Variants in ITSN2 observed in about 807,000 individuals in gnomAD.
ITSN2 encodes intersectin-2.
Under a neutral mutation model 243.7 loss-of-function variants are expected in ITSN2, and 156 were observed. The ratio of observed to expected loss-of-function variants is 0.64; its 90% CI spans 0.56 to 0.73. The LOEUF (loss-of-function observed/expected upper bound fraction) is 0.73, where lower values mean the gene tolerates loss of function less well. ITSN2 is among the 30% of genes least tolerant of loss of function. The pLI is 0.00. For missense variants in ITSN2, 1,801 were observed against 1,996.1 expected, an observed-to-expected ratio of 0.90 and a Z score of 1.86; for synonymous variants, 703 against 699.9, an observed-to-expected ratio of 1.00 and a Z score of -0.07.
chr2:24,330,525 G>A, intron 1 of ITSN2: 1 of 730,528 alleles, frequency 1.4e-6, no homozygotes, highest in Non-Finnish European at 2.5e-6. Context: ...GCCCAAGCCT[G>A]AAAAGGCCCC....
intron 2 of ITSN2, among the ~76,000 whole-genome samples, chr2:24,317,205 A>C (rs1684038856): frequency 6.6e-6 from 1 of 152,092 alleles, no homozygotes; most frequent in Non-Finnish European, 1.5e-5. Context: ...ACATGGCGAA[A>C]CCTCATCTCT....
At chr2:24,339,647 T>G (rs993891717) in intron 1 of ITSN2, among the ~76,000 whole-genome samples, 1 of 152,110 alleles carries the variant, frequency 6.6e-6, no homozygotes, top group Non-Finnish European at 1.5e-5. Flanking sequence ...TTTTATATAT[T>G]GAAGCTTCTC....
At chr2:24,347,294 A>T (rs537789085) in intron 1 of ITSN2, among the ~76,000 whole-genome samples, 1 of 152,364 alleles carries the variant, frequency 6.6e-6, no homozygotes, top group Non-Finnish European at 1.5e-5. Flanking sequence ...AAAAAATTAA[A>T]GTTACATTCA....
chr2:24,276,016 T>C (rs911835376), intron 17 of ITSN2, among the ~76,000 whole-genome samples, 167 bp from the exon 18 acceptor site: 4 of 152,196 alleles, frequency 2.6e-5, no homozygotes, highest in African/African-American at 9.6e-5. Context: ...AAACCTTAAG[T>C]ATTTAAACCA....
At chr2:24,299,809 C>T in intron 12 of ITSN2, 100 bp downstream of exon 12, 1 of 1,036,410 alleles carries the variant, frequency 9.6e-7, no homozygotes. Context: ...GAGCAAAAGG[C>T]AAAACAAAAA....
intron 29 of ITSN2, chr2:24,221,517 A>G (rs1340286434): frequency 1.3e-5 from 2 of 154,730 alleles, no homozygotes; most frequent in African/African-American, 4.8e-5. Flanking sequence ...TACCATGCAT[A>G]TGGCTTTGGT....
At chr2:24,229,806 C>T (rs1051305182) in intron 29 of ITSN2, among the ~76,000 whole-genome samples, 18 of 152,284 alleles carry the variant, frequency 1.2e-4, no homozygotes, top group African/African-American at 4.1e-4. Flanking sequence ...GCTGATGACT[C>T]GATCCTCATG....
chr2:24,242,042 T>C lies in ITSN2; in HGVS notation c.3577+4087A>G, dbSNP rs528447203. ...TTACAAATAAATTTAAACTGTAAGTTAGAAACACAAAAAAATAATCACAAG... is the reference window on the plus strand; with the variant it reads ...TTACAAATAAATTTAAACTGTAAGTCAGAAACACAAAAAAATAATCACAAG... On this transcript the variant is annotated intron_variant, in intron 29 of 39. Coordinates refer to ENST00000355123, the MANE Select transcript of ITSN2 (RefSeq NM_006277.3). The C allele has an allele frequency of 2.0e-5, 3 of 152,724 alleles. No homozygotes were observed. The East Asian group carries it at 5.8e-4, about 29-fold the overall frequency. The allele number at this position is 152,724 out of a possible 1,614,324, so 9.5% of individuals were successfully genotyped here.
chr2:24,342,352 C>G (rs1255633746), intron 1 of ITSN2, among the ~76,000 whole-genome samples: 2 of 151,750 alleles, frequency 1.3e-5, no homozygotes, highest in Non-Finnish European at 2.9e-5. Context: ...AGCACGCTGC[C>G]AAGCCCGGCT....
chr2:24,294,086 T>G (rs370387376), intron 14 of ITSN2, among the ~76,000 whole-genome samples: 1 of 152,320 alleles, frequency 6.6e-6, no homozygotes, highest in East Asian at 1.9e-4. Flanking sequence ...CTAGATGGTA[T>G]GTGTAAGCAT....
intron 2 of ITSN2, among the ~76,000 whole-genome samples, chr2:24,326,188 A>G (rs1051724537): frequency 1.3e-5 from 2 of 152,202 alleles, no homozygotes; most frequent in African/African-American, 4.8e-5. Flanking sequence ...ATTCTTCAGA[A>G]GTTTAAAAAA....
At chr2:24,358,836 G>C (rs1394832126) in intron 1 of ITSN2, among the ~76,000 whole-genome samples, 1 of 152,120 alleles carries the variant, frequency 6.6e-6, no homozygotes, top group Admixed American at 6.6e-5. Flanking sequence ...GAGATGTACC[G>C]AACAATGGTA....
chr2:24,257,173 A>G (rs1675153233), intron 23 of ITSN2, among the ~76,000 whole-genome samples: 1 of 152,022 alleles, frequency 6.6e-6, no homozygotes, highest in Non-Finnish European at 1.5e-5. Flanking sequence ...TTTAAAAATA[A>G]GCCAGGCATG....
At chr2:24,259,015 T>C (rs1020566045) in intron 22 of ITSN2, among the ~76,000 whole-genome samples, 2 of 152,224 alleles carry the variant, frequency 1.3e-5, no homozygotes, top group Non-Finnish European at 2.9e-5. Flanking sequence ...CTCAAACCTA[T>C]ATTTTCAGTG....
chr2:24,300,262 T>C (rs1451667238), intron 11 of ITSN2, 91 bp from the exon 12 acceptor site: 3 of 1,230,196 alleles, frequency 2.4e-6, no homozygotes, highest in African/African-American at 3.0e-5. Context: ...TTGTGATCAT[T>C]TGAGTGCTAT....
At chr2:24,322,579 A>G (rs1375413190) in intron 2 of ITSN2, among the ~76,000 whole-genome samples, 1 of 152,234 alleles carries the variant, frequency 6.6e-6, no homozygotes, top group Non-Finnish European at 1.5e-5. Context: ...CATATACATG[A>G]ATTAACTCTC....
intron 22 of ITSN2, among the ~76,000 whole-genome samples, chr2:24,259,554 A>G (rs548590525): frequency 6.6e-6 from 1 of 152,282 alleles, no homozygotes; most frequent in African/African-American, 2.4e-5. Flanking sequence ...AATAAACCTC[A>G]ACCTCTCTCT....
At chr2:24,264,960 T>G (rs1676484024) in intron 20 of ITSN2, among the ~76,000 whole-genome samples, 1 of 152,070 alleles carries the variant, frequency 6.6e-6, no homozygotes, top group African/African-American at 2.4e-5. Flanking sequence ...TGCTGAGATT[T>G]TTGTTGTTGT....
intron 7 of ITSN2, among the ~76,000 whole-genome samples, chr2:24,309,347 C>T (rs527532862): frequency 8.5e-5 from 13 of 152,218 alleles, no homozygotes; most frequent in Admixed American, 2.0e-4. Flanking sequence ...CACATGCCAC[C>T]ACGCCCGGCT....
Sources: gnomAD v4.1 joint callset for allele counts (sites outside exome capture counted in the v4.1 genomes callset) on GRCh38, gnomAD v4.1.1 for gene constraint, MANE v1.5 for transcripts, NCBI Gene and HGNC (gene_info 2026-07-23, HGNC 2026-07-21) for gene names.